Variants in CBFB observed in about 807,000 individuals in gnomAD.
CBFB encodes the protein CBF-beta.
In CBFB, 9 loss-of-function variants were observed where a neutral mutation model predicts 30.4. The ratio of observed to expected loss-of-function variants is 0.30; its 90% CI spans 0.18 to 0.52. The LOEUF (loss-of-function observed/expected upper bound fraction) is 0.52, where lower values mean the gene tolerates loss of function less well. Ranked by LOEUF, CBFB falls within the 20% of genes least tolerant of loss-of-function variation. The pLI, the probability that CBFB is intolerant of heterozygous loss-of-function variation, is 0.97. For missense variants in CBFB, 170 were observed against 244.0 expected (o/e 0.70, Z 2.02); for synonymous variants, 94 against 84.0 (o/e 1.12, Z -0.65).
intron 4 of CBFB, 44 bp from the exon 5 acceptor site, chr16:67,082,169 T>C (rs766327391): frequency 6.9e-7 from 1 of 1,440,176 alleles, no homozygotes. Context: ...TTGTATTTTT[T>C]TTATAAATCA....
chr16:67,038,811 C>T (rs954199140), intron 3 of CBFB, among the ~76,000 whole-genome samples: 2 of 151,720 alleles, frequency 1.3e-5, no homozygotes, highest in African/African-American at 4.8e-5. Context: ...TCAGCTTTAG[C>T]CCAAAACTAT....
Position 67,072,745 on chromosome 16 carries a change from C to T in CBFB, c.399+5947C>T, listed in dbSNP as rs567363922. On this transcript the variant is annotated intron_variant, in intron 4 of 5. Coordinates refer to ENST00000412916, the MANE Select transcript of CBFB (RefSeq NM_022845.3). ...CCTCCCAAAGTGCTGGGATTACAGG[C>T]GTGAGCCACCATGCCCGGCCTCTTT... Among the ~76,000 whole-genome samples, 11 of 151,734 alleles carry T rather than the reference C, an allele frequency of 7.2e-5. No individual in the cohort carries two copies. In the East Asian group the frequency reaches 1.9e-3, roughly 27 times the overall value.
At chr16:67,091,696 T>C (rs1283690445) in intron 5 of CBFB, among the ~76,000 whole-genome samples, 1 of 152,248 alleles carries the variant, frequency 6.6e-6, no homozygotes, top group African/African-American at 2.4e-5. Context: ...GACAGATGTT[T>C]ATAATTGTCT....
At chr16:67,031,371 A>G (rs1000865818) in intron 2 of CBFB, among the ~76,000 whole-genome samples, 3 of 152,226 alleles carry the variant, frequency 2.0e-5, no homozygotes, top group Admixed American at 6.5e-5. Context: ...AAAAGAATTC[A>G]TTAGCTGGTG....
chr16:67,079,193 T>C (rs1412399629), intron 4 of CBFB, among the ~76,000 whole-genome samples: 1 of 152,218 alleles, frequency 6.6e-6, no homozygotes, highest in East Asian at 1.9e-4. Context: ...TAAGCACTTT[T>C]TATGTGTTAT....
Position 67,062,106 on chromosome 16 carries a change from T to C in CBFB, c.283-4576T>C, listed in dbSNP as rs554997953. ...CAAAACAGATCATTGGTTTTCTTTGTCATGAAAGAACATTTATAAATAAGT... is the reference window on the plus strand; with the variant it reads ...CAAAACAGATCATTGGTTTTCTTTGCCATGAAAGAACATTTATAAATAAGT... On this transcript the variant is annotated intron_variant, in intron 3 of 5. Transcript: ENST00000412916. Among the ~76,000 whole-genome samples, 141 of 152,256 alleles carry C rather than the reference T, an allele frequency of 9.3e-4. 1 individual carries two copies. Among genetic ancestry groups the C allele is most frequent in the African/African-American group, 3.2e-3 (133 of 41,548 alleles).
At chr16:67,079,650 A>G (rs1357306165) in intron 4 of CBFB, among the ~76,000 whole-genome samples, 1 of 151,446 alleles carries the variant, frequency 6.6e-6, no homozygotes, top group Non-Finnish European at 1.5e-5. Context: ...TGAGCACTGC[A>G]TCAGTTCCTA....
chr16:67,037,866 T>C (rs905435105), intron 3 of CBFB, among the ~76,000 whole-genome samples: 19 of 151,946 alleles, frequency 1.3e-4, no homozygotes, highest in Admixed American at 5.9e-4. Context: ...AGACAGGGTT[T>C]CCCCATATTG....
intron 5 of CBFB, among the ~76,000 whole-genome samples, chr16:67,089,276 A>G (rs747574782): frequency 6.6e-6 from 1 of 152,130 alleles, no homozygotes; most frequent in Non-Finnish European, 1.5e-5. Context: ...CTCTCTGGGT[A>G]TTTTTCCTAC....
At chr16:67,035,910 T>C (rs879545601) in intron 2 of CBFB, among the ~76,000 whole-genome samples, 6 of 152,204 alleles carry the variant, frequency 3.9e-5, no homozygotes, top group African/African-American at 1.4e-4. Flanking sequence ...AAGGCCTACA[T>C]AAAATGACAC....
chr16:67,036,275 C>T (rs1167190697), intron 2 of CBFB, among the ~76,000 whole-genome samples: 3 of 152,030 alleles, frequency 2.0e-5, no homozygotes, highest in Non-Finnish European at 4.4e-5. Context: ...AATTCAAAAT[C>T]TTTAGATTTT....
chr16:67,066,124 A>T (rs1348517091), intron 3 of CBFB, among the ~76,000 whole-genome samples: 1 of 152,138 alleles, frequency 6.6e-6, no homozygotes, highest in Non-Finnish European at 1.5e-5. Flanking sequence ...GATAGCTTAT[A>T]AAACTGAGGG....
intron 3 of CBFB, among the ~76,000 whole-genome samples, chr16:67,038,292 A>G (rs1966474707): frequency 6.6e-6 from 1 of 151,586 alleles, no homozygotes; most frequent in Non-Finnish European, 1.5e-5. Context: ...GTGTATATAT[A>G]TATATACACG....
intron 3 of CBFB, among the ~76,000 whole-genome samples, chr16:67,055,842 A>G (rs986491860): frequency 6.6e-6 from 1 of 152,200 alleles, no homozygotes; most frequent in African/African-American, 2.4e-5. Context: ...CTGACTGTCC[A>G]TTTATGAACA....
At position 67,038,756 on chromosome 16, in the gene CBFB, A is replaced by C. The variant is rs546141405; in HGVS notation, c.282+2001A>C. Among the ~76,000 whole-genome samples, 8 of 152,150 alleles carry C rather than the reference A, an allele frequency of 5.3e-5. No individual in the cohort carries two copies. The East Asian group carries it at 1.5e-3, about 29-fold the overall frequency. ...TAAAGTTTGTTTAACATGGTAGCTC[A>C]GATACTAAAGACGTAAACCAAAAAA... On this transcript the variant is annotated intron_variant, in intron 3 of 5. Transcript: ENST00000412916.
chr16:67,051,206 G>T (rs573775217), intron 3 of CBFB, among the ~76,000 whole-genome samples: 5 of 152,148 alleles, frequency 3.3e-5, no homozygotes, highest in Middle Eastern at 3.4e-3. Context: ...TACATTTTAG[G>T]AATAATAATA....
chr16:67,089,162 T>C (rs938923181), intron 5 of CBFB, among the ~76,000 whole-genome samples: 2 of 152,210 alleles, frequency 1.3e-5, no homozygotes, highest in Non-Finnish European at 2.9e-5. Flanking sequence ...TATAGTGAAA[T>C]GAAGAAGCAT....
At chr16:67,069,447 C>A (rs1300458279) in intron 4 of CBFB, among the ~76,000 whole-genome samples, 1 of 151,844 alleles carries the variant, frequency 6.6e-6, no homozygotes, top group African/African-American at 2.4e-5. Flanking sequence ...TAGATAAGAG[C>A]TGACATATGA....
At chr16:67,040,110 C>T (rs181279931) in intron 3 of CBFB, among the ~76,000 whole-genome samples, 299 of 152,256 alleles carry the variant, frequency 2.0e-3, no homozygotes, top group African/African-American at 6.6e-3. Flanking sequence ...TTTTCTCATC[C>T]GTGGAGCTCA....
Sources: gnomAD v4.1 joint callset for allele counts (sites outside exome capture counted in the v4.1 genomes callset) on GRCh38, gnomAD v4.1.1 for gene constraint, MANE v1.5 for transcripts, NCBI Gene and HGNC (gene_info 2026-07-23, HGNC 2026-07-21) for gene names.